BLM: variants seen among roughly 807,000 people sequenced by gnomAD.
BLM encodes the protein recQ-like DNA helicase BLM.
BLM carries 95 observed loss-of-function variants against 135.3 expected under a neutral mutation model. That is an observed-to-expected ratio of 0.70 (90% CI 0.59 to 0.83). The LOEUF (loss-of-function observed/expected upper bound fraction) is 0.83. Among genes scored for constraint, BLM ranks in the 40% least tolerant of loss-of-function variants. BLM has a pLI of 0.00. For missense variants in BLM, 1,518 were observed against 1,663.9 expected, an observed-to-expected ratio of 0.91 and a Z score of 1.53; for synonymous variants, 520 against 589.2, an observed-to-expected ratio of 0.88 and a Z score of 1.70.
rs771776126 is a variant in BLM, at chr15:90,803,578, G to A, written c.3416G>A (p.Arg1139Gln). The A allele has an allele frequency of 2.0e-5, 32 of 1,613,740 alleles. No individual in the cohort carries two copies. Among genetic ancestry groups the A allele is most frequent in the Middle Eastern group, 1.6e-4 (1 of 6,084 alleles). ...GIFGKGSAYS[R>Q]HNAERLFKKL... ...TTTGGAAAAGGATCTGCTTATTCACGACACAATGCCGAAAGACTTTTTAAA... is the reference window on the plus strand; with the variant it reads ...TTTGGAAAAGGATCTGCTTATTCACAACACAATGCCGAAAGACTTTTTAAA... The change falls in exon 18 of 22, where the codon CGA (arginine) becomes CAA (glutamine). Residue 1139 changes from arginine to glutamine, a missense_variant. Arg to Gln is a conservative substitution (Grantham distance 43). Around this residue, in one of 5 missense-constraint regions of BLM, gnomAD observed 626 missense variants for 681.1 expected, o/e 0.92. Coordinates refer to ENST00000355112, the MANE Select transcript of BLM (RefSeq NM_000057.4).
intron 14 of BLM, among the ~76,000 whole-genome samples, chr15:90,787,966 A>G (rs1231565551): frequency 3.9e-5 from 6 of 151,972 alleles, no homozygotes; most frequent in Non-Finnish European, 8.8e-5. Flanking sequence ...AAAAAAAGAA[A>G]GAAAAATTCA....
At chr15:90,742,192 C>T (rs536417099) in intron 1 of BLM, among the ~76,000 whole-genome samples, 33 of 152,256 alleles carry the variant, frequency 2.2e-4, no homozygotes, top group African/African-American at 7.5e-4. Flanking sequence ...ATAAATACCT[C>T]AACTTAAAAA....
At position 90,725,076 on chromosome 15, in the gene BLM, T is replaced by C. The variant is rs146277329; in HGVS notation, c.-5+7636T>C. ...GGTGTGCACCATCATGCCTGGCTAA[T>C]TTTTGTATTTTTAGTAGAGAGAGCG... On this transcript the variant is annotated intron_variant, in intron 1 of 21. Transcript: ENST00000355112. Among the ~76,000 whole-genome samples the C allele has an allele frequency of 1.6e-3, 239 of 152,224 alleles. 3 individuals carry two copies. The highest frequency in any genetic ancestry group is 5.6e-3 in the African/African-American group (231 of 41,540).
chr15:90,720,406 A>G (rs1356898439), intron 1 of BLM, among the ~76,000 whole-genome samples: 1 of 152,196 alleles, frequency 6.6e-6, no homozygotes, highest in African/African-American at 2.4e-5. Flanking sequence ...TTATTGAAAC[A>G]TATTCTCAAT....
At position 90,734,695 on chromosome 15, in the gene BLM, GC is replaced by G. The variant is rs1895160992; in HGVS notation, c.-4-12693del. On this transcript the variant is annotated intron_variant, in intron 1 of 21. Coordinates refer to ENST00000355112, the MANE Select transcript of BLM (RefSeq NM_000057.4). Reference sequence around the variant, plus strand: ...CGCACGCACACACACACACACACACGCAGAGAGAGAGAGAGAGAGAGAGAGA... The same window carrying G: ...CGCACGCACACACACACACACACACGAGAGAGAGAGAGAGAGAGAGAGAGA... Among the ~76,000 whole-genome samples, 6 of 83,768 alleles carry G rather than the reference GC, an allele frequency of 7.2e-5. No homozygotes were observed. In the South Asian group the frequency reaches 2.7e-3, roughly 37 times the overall value. 55.0% of individuals were successfully genotyped at this position (83,768 alleles called of 152,430 possible).
At chr15:90,789,945 C>CCACTA (rs1319333663) in intron 14 of BLM, among the ~76,000 whole-genome samples, 2 of 143,836 alleles carry the variant, frequency 1.4e-5, no homozygotes, top group East Asian at 4.2e-4. Flanking sequence ...CACCTTGCTT[C>CCACTA]CACTAAGTAA....
chr15:90,743,699 T>C (rs1436953424), intron 1 of BLM, among the ~76,000 whole-genome samples: 3 of 152,144 alleles, frequency 2.0e-5, no homozygotes, highest in Non-Finnish European at 4.4e-5. Context: ...TGGTGAACAA[T>C]TTTCTTTTTG....
At position 90,760,954 on chromosome 15, in the gene BLM, C is replaced by G; in HGVS notation, c.1581C>G (p.Ser527Arg). 1 of 1,614,022 alleles carries G rather than the reference C, an allele frequency of 6.2e-7. No individual in the cohort carries two copies. The highest frequency in any genetic ancestry group is 1.1e-5 in the South Asian group (1 of 91,070). The part of the protein sequence containing the change: ...SSYFPGNVLT[S>R]TAVKDQNKHT... ...ATTTCCCAGGAAATGTTCTCACAAG[C>G]ACTGCTGTGAAAGATCAGAATAAAC... The change falls in exon 7 of 22, where the codon AGC becomes AGG. Residue 527 changes from serine (S) to arginine (R), a missense_variant. Physicochemically the swap from Ser to Arg is moderately radical, Grantham distance 110. Around this residue, in one of 5 missense-constraint regions of BLM, gnomAD observed 724 missense variants for 756.9 expected, o/e 0.96. Transcript: ENST00000355112.
Position 90,790,761 on chromosome 15 carries a change from G to T in BLM, c.2936G>T (p.Arg979Ile). 1 of 1,614,170 alleles carries T rather than the reference G, an allele frequency of 6.2e-7. No individual in the cohort carries two copies. The highest frequency in any genetic ancestry group is 8.5e-7 in the Non-Finnish European group (1 of 1,180,006). ...GAGGGTTACTACCAAGAATCTGGCA[G>T]AGCTGGAAGAGATGGGGAAATATCT... Reference protein sequence around the residue: ...SVEGYYQESGRAGRDGEISHC... With the variant: ...SVEGYYQESGIAGRDGEISHC... The change falls in exon 15 of 22, where the codon AGA becomes ATA. Residue 979 changes from arginine to isoleucine, a missense_variant. Coordinates refer to ENST00000355112, the MANE Select transcript of BLM (RefSeq NM_000057.4).
At chr15:90,803,773 A>T in intron 18 of BLM, 53 bp downstream of exon 18, 1 of 1,538,902 alleles carries the variant, frequency 6.5e-7, no homozygotes, top group East Asian at 2.2e-5. Flanking sequence ...GAACCAAAAT[A>T]TATTATTGTG....
rs1419113149 is a variant in BLM, at chr15:90,809,657, T to C, written c.3874+398T>C. 1.3e-5 allele frequency among the ~76,000 whole-genome samples: 2 copies of C among 152,208 alleles called. 1 individual carries two copies. Among genetic ancestry groups the C allele is most frequent in the Non-Finnish European group, 2.9e-5 (2 of 68,036 alleles). ...GAAGGAACATGTTATCTGACAAACA[T>C]GTCTAAAGATAAAATTTAAGACTAG... is the stretch of plus-strand genomic sequence containing the variant. On this transcript the variant is annotated intron_variant, in intron 20 of 21. Transcript: ENST00000355112.
chr15:90,735,452 T>C (rs891471589), intron 1 of BLM, among the ~76,000 whole-genome samples: 11 of 151,766 alleles, frequency 7.2e-5, no homozygotes, highest in Non-Finnish European at 1.3e-4. Flanking sequence ...TTGTAACATG[T>C]TGCAAAGCTT....
intron 14 of BLM, among the ~76,000 whole-genome samples, chr15:90,787,724 G>A (rs888423844): frequency 1.3e-5 from 2 of 152,054 alleles, no homozygotes; most frequent in East Asian, 1.9e-4. Context: ...CGATGTGGAC[G>A]GATCACCTGA....
At chr15:90,809,368 AC>A in intron 20 of BLM, 109 bp downstream of exon 20, 1 of 1,558,850 alleles carries the variant, frequency 6.4e-7, no homozygotes, top group Non-Finnish European at 8.8e-7. Context: ...ACCTCGTCAC[AC>A]TGACATCCAA....
At chr15:90,770,243 G>A (rs369486232) in intron 12 of BLM, among the ~76,000 whole-genome samples, 94 of 143,234 alleles carry the variant, frequency 6.6e-4, no homozygotes, top group Non-Finnish European at 1.0e-3. Flanking sequence ...GCCTGATCTC[G>A]GCTCACTCCG....
intron 12 of BLM, among the ~76,000 whole-genome samples, chr15:90,769,872 A>T (rs1367514579): frequency 6.6e-6 from 1 of 152,128 alleles, no homozygotes; most frequent in Non-Finnish European, 1.5e-5. Context: ...TACCTACTTT[A>T]GAAGTAGGGA....
chr15:90,749,020 A>C (rs1314879320), intron 2 of BLM, among the ~76,000 whole-genome samples: 1 of 152,102 alleles, frequency 6.6e-6, no homozygotes, highest in East Asian at 1.9e-4. Flanking sequence ...CGGCCTCCCA[A>C]AGTGCTGGGA....
chr15:90,809,941 G>A (rs1369940660), intron 20 of BLM, among the ~76,000 whole-genome samples: 4 of 152,168 alleles, frequency 2.6e-5, no homozygotes, highest in South Asian at 2.1e-4. Context: ...ACATCACCAC[G>A]TAATAGGACA....
At chr15:90,718,553 T>C (rs76142415) in intron 1 of BLM, among the ~76,000 whole-genome samples, 208 of 152,320 alleles carry the variant, frequency 1.4e-3, no homozygotes, top group African/African-American at 4.8e-3. Context: ...GCAAAAGTAT[T>C]CTGTTTGGGG....
Sources: allele counts gnomAD v4.1 joint callset (sites outside exome capture counted in the v4.1 genomes callset), GRCh38; gene constraint gnomAD v4.1.1; regional missense constraint gnomAD v4.1.1; transcripts MANE v1.5; gene names NCBI Gene and HGNC (gene_info 2026-07-23, HGNC 2026-07-21).